Variants in TMPRSS5 observed in about 807,000 individuals in gnomAD.
TMPRSS5 encodes transmembrane serine protease 5.
In TMPRSS5, 45 loss-of-function variants were observed where a neutral mutation model predicts 59.7. The ratio of observed to expected loss-of-function variants is 0.75; its 90% confidence interval spans 0.59 to 0.97. TMPRSS5 has a LOEUF of 0.97. TMPRSS5 is among the 50% of genes least tolerant of loss of function. The pLI is 0.00. For synonymous variants in TMPRSS5, 225 were observed against 232.0 expected (o/e 0.97, Z 0.27); for missense variants, 585 against 596.7 (o/e 0.98, Z 0.20).
intron 9 of TMPRSS5, among the ~76,000 whole-genome samples, chr11:113,691,892 C>CTTT (rs58784708): frequency 1.7e-5 from 2 of 121,114 alleles, no homozygotes; most frequent in Non-Finnish European, 3.2e-5. Context: ...CCTTTTTTTT[C>CTTT]TTTTTTTTTT....
intron 3 of TMPRSS5, among the ~76,000 whole-genome samples, chr11:113,699,260 T>TCTCTCTCCCCCCC (rs1953039814): frequency 5.6e-5 from 2 of 35,948 alleles, no homozygotes; most frequent in African/African-American, 1.5e-4. Flanking sequence ...TCTCTCTCTC[T>TCTCTCTCCCCCCC]CTCTCTCTCT....
At chr11:113,693,474 T>A (rs1464351777) in intron 8 of TMPRSS5, 1 of 433,476 alleles carries the variant, frequency 2.3e-6, no homozygotes, top group Non-Finnish European at 4.1e-6. Context: ...GACTGATGGA[T>A]AGAGAAGACT....
chr11:113,690,189 C>G, intron 11 of TMPRSS5, 42 bp downstream of exon 11: 1 of 1,406,506 alleles, frequency 7.1e-7, no homozygotes. Context: ...CTCCCACCCC[C>G]ACCTCCACTC....
At chr11:113,704,385 T>C (rs1164175688) in intron 1 of TMPRSS5, among the ~76,000 whole-genome samples, 2 of 152,176 alleles carry the variant, frequency 1.3e-5, no homozygotes, top group African/African-American at 2.4e-5. Flanking sequence ...CTCCATGCCA[T>C]AAAGTCAGAG....
intron 1 of TMPRSS5, among the ~76,000 whole-genome samples, chr11:113,703,226 A>T (rs1376881306): frequency 6.6e-6 from 1 of 152,230 alleles, no homozygotes; most frequent in African/African-American, 2.4e-5. Context: ...ACCTGGATAT[A>T]AGGCATGTAG....
chr11:113,689,031 C>G (rs941169184), intron 12 of TMPRSS5, among the ~76,000 whole-genome samples: 1 of 152,106 alleles, frequency 6.6e-6, no homozygotes, highest in African/African-American at 2.4e-5. Flanking sequence ...CCTTAGAGAC[C>G]AGGGATGAAT....
intron 6 of TMPRSS5, among the ~76,000 whole-genome samples, chr11:113,696,603 T>C (rs1046819734): frequency 2.0e-5 from 3 of 152,212 alleles, no homozygotes; most frequent in Admixed American, 6.5e-5. Context: ...TGGTGATGAG[T>C]ACCATGTCAA....
chr11:113,694,529 C>A lies in TMPRSS5; in HGVS notation c.734G>T (p.Gly245Val), dbSNP rs1463484550. Residue 245 changes from glycine (G) to valine (V), a missense_variant, in exon 8 of 13, where the codon GGC becomes GTC. By Grantham distance (109) the Gly-to-Val change is moderately radical (BLOSUM62 -3). Coordinates refer to ENST00000299882, the MANE Select transcript of TMPRSS5 (RefSeq NM_030770.4). ...VALGFRHTCG[G>V]SVLAPRWVVT... ...CACCCAGCGTGGCGCTAGCACAGAG[C>A]CCCCACACGTGTGCCGGAAGCCCAG... 8 of 1,563,010 alleles carry A rather than the reference C, an allele frequency of 5.1e-6. No homozygotes were observed. The highest frequency in any genetic ancestry group is 6.1e-6 in the Non-Finnish European group (7 of 1,153,480).
intron 8 of TMPRSS5, 111 bp downstream of exon 8, chr11:113,694,366 TG>T: frequency 8.5e-7 from 1 of 1,182,186 alleles, no homozygotes; most frequent in East Asian, 2.6e-5. Context: ...CTTACCCTTT[TG>T]GAGCAAAAAG....
chr11:113,694,074 C>A (rs1952856856), intron 8 of TMPRSS5, among the ~76,000 whole-genome samples: 1 of 152,074 alleles, frequency 6.6e-6, no homozygotes, highest in Admixed American at 6.5e-5. Flanking sequence ...TCGAGACCAG[C>A]CAGGCCAACA....
chr11:113,702,069 CT>C (rs1487979158), intron 1 of TMPRSS5, among the ~76,000 whole-genome samples: 2 of 151,984 alleles, frequency 1.3e-5, no homozygotes, highest in Admixed American at 6.6e-5. Context: ...TGTTAGTCTG[CT>C]GAGAATAATG....
Position 113,690,916 on chromosome 11 carries a change from G to A in TMPRSS5, c.988C>T (p.Pro330Ser). ...TTCGGAAAATGCTGTTCCTTGGCCG[G>A]CAGGCACACAGCGCCCACAGTGTCT... ...FSDTVGAVCL[P>S]AKEQHFPKGS... The change falls in exon 10 of 13, where the codon CCG (proline) becomes TCG (serine). Residue 330 changes from proline (P) to serine (S), a missense_variant. Transcript: ENST00000299882. 6.3e-7 allele frequency: 1 copy of A among 1,592,644 alleles called. No homozygotes were observed. The highest frequency in any genetic ancestry group is 8.5e-7 in the Non-Finnish European group (1 of 1,170,116).
In TMPRSS5 at chr11:113,699,684, G is replaced by T. The variant is rs764401839; in HGVS notation, c.116C>A (p.Ala39Glu). The T allele has an allele frequency of 1.3e-6, 2 of 1,570,456 alleles. No homozygotes were observed. Among genetic ancestry groups the T allele is most frequent in the Non-Finnish European group, 8.6e-7 (1 of 1,158,292 alleles). The change falls in exon 3 of 13, where the codon GCA becomes GAA. Residue 39 changes from alanine (A) to glutamate (E), a missense_variant. Physicochemically the swap from Ala to Glu is moderately radical, Grantham distance 107. Coordinates refer to ENST00000299882, the MANE Select transcript of TMPRSS5 (RefSeq NM_030770.4). ...PGDQQHPISQAVCWRSMRRGC... is the reference protein window; with the variant it reads ...PGDQQHPISQEVCWRSMRRGC... ...ACGTCGCATGGAACGCCAGCACACT[G>T]CCTGAGAAACTGTGGGAAAGGGCAG...
At position 113,689,111 on chromosome 11, in the gene TMPRSS5, A is replaced by G. The variant is rs889799637; in HGVS notation, c.1359+654T>C. Among the ~76,000 whole-genome samples, 5 of 151,912 alleles carry G rather than the reference A, an allele frequency of 3.3e-5. No homozygotes were observed. In the South Asian group the frequency reaches 1.0e-3, roughly 32 times the overall value. On this transcript the variant is annotated intron_variant, in intron 12 of 12. Coordinates refer to ENST00000299882, the MANE Select transcript of TMPRSS5 (RefSeq NM_030770.4). ...AGTGGTGCATGCCTGTAATCCCAGC[A>G]CTTTGGGAGGCCAAGGCTGGTGGAT...
Position 113,706,238 on chromosome 11 carries a change from A to C in TMPRSS5, c.-14T>G. 1.2e-6 allele frequency: 2 copies of C among 1,601,202 alleles called. No individual in the cohort carries two copies. Among genetic ancestry groups the C allele is most frequent in the Non-Finnish European group, 1.7e-6 (2 of 1,174,090 alleles). ...TAACCTTACCATAGGGGTCAGTGGC[A>C]CTGTTGTAAAGCCTCAGGGTCTACT... is the stretch of plus-strand genomic sequence containing the variant. On this transcript the variant is annotated 5_prime_UTR_variant, in exon 1 of 13. Coordinates refer to ENST00000299882, the MANE Select transcript of TMPRSS5 (RefSeq NM_030770.4).
chr11:113,694,529 C>T lies in TMPRSS5; in HGVS notation c.734G>A (p.Gly245Asp). ...VALGFRHTCG[G>D]SVLAPRWVVT... is the part of the protein sequence containing the mutation. ...CACCCAGCGTGGCGCTAGCACAGAG[C>T]CCCCACACGTGTGCCGGAAGCCCAG... Residue 245 changes from glycine (G) to aspartate (D), a missense_variant, in exon 8 of 13, where the codon GGC (glycine) becomes GAC (aspartate). Physicochemically the swap from Gly to Asp is moderately conservative, Grantham distance 94. Transcript: ENST00000299882. 6.4e-7 allele frequency: 1 copy of T among 1,563,128 alleles called. No individual in the cohort carries two copies. The highest frequency in any genetic ancestry group is 8.7e-7 in the Non-Finnish European group (1 of 1,153,472).
intron 11 of TMPRSS5, 30 bp downstream of exon 11, chr11:113,690,196 ACTCCC>A: frequency 3.9e-6 from 1 of 253,912 alleles, no homozygotes; most frequent in Non-Finnish European, 6.0e-6. Context: ...CCCCACCTCC[ACTCCC>A]ACCCTCACCC....
intron 12 of TMPRSS5, among the ~76,000 whole-genome samples, chr11:113,689,446 A>G (rs907349063): frequency 4.6e-5 from 7 of 152,154 alleles, no homozygotes; most frequent in Non-Finnish European, 8.8e-5. Flanking sequence ...GCATATAACA[A>G]TAGCATATAA....
intron 3 of TMPRSS5, among the ~76,000 whole-genome samples, chr11:113,699,256 T>TCCCTCTCTCTCTCC (rs1325175404): frequency 2.5e-5 from 1 of 39,758 alleles, no homozygotes; most frequent in Non-Finnish European, 4.8e-5. Flanking sequence ...TCTCTCTCTC[T>TCCCTCTCTCTCTCC]CTCTCTCTCT....
Sources: allele counts gnomAD v4.1 joint callset (sites outside exome capture counted in the v4.1 genomes callset), GRCh38; gene constraint gnomAD v4.1.1; transcripts MANE v1.5; gene names NCBI Gene and HGNC (gene_info 2026-07-23, HGNC 2026-07-21).